KCNH7: variants seen among roughly 807,000 people sequenced by gnomAD.
KCNH7 encodes the protein potassium voltage-gated channel subfamily H member 7.
A neutral mutation model predicts 120.8 loss-of-function variants in KCNH7; 49 were observed. That is an observed-to-expected ratio of 0.41 (90% CI 0.32 to 0.51). The LOEUF (loss-of-function observed/expected upper bound fraction) is 0.51. Ranked by LOEUF, KCNH7 falls within the 20% of genes least tolerant of loss-of-function variation. The pLI is 0.38. For synonymous variants in KCNH7, 547 were observed against 516.1 expected (o/e 1.06, Z -0.81); for missense variants, 1,097 against 1,446.6 (o/e 0.76, Z 3.92).
At chr2:162,453,867 A>T (rs925297411) in intron 6 of KCNH7, among the ~76,000 whole-genome samples, 2 of 152,064 alleles carry the variant, frequency 1.3e-5, no homozygotes, top group Admixed American at 1.3e-4. Context: ...ACTTTGCCAG[A>T]TGGGTAGATT....
intron 6 of KCNH7, among the ~76,000 whole-genome samples, chr2:162,457,290 T>C (rs184456524): frequency 2.0e-5 from 3 of 152,056 alleles, no homozygotes; most frequent in Admixed American, 2.0e-4. Context: ...AGATAAAACA[T>C]GATTAATTGA....
At chr2:162,646,343 C>G (rs1475597699) in intron 2 of KCNH7, among the ~76,000 whole-genome samples, 1 of 152,158 alleles carries the variant, frequency 6.6e-6, no homozygotes, top group Non-Finnish European at 1.5e-5. Flanking sequence ...AGCCCATAAC[C>G]TATGTTGTCC....
At chr2:162,741,690 C>T (rs1323368849) in intron 2 of KCNH7, among the ~76,000 whole-genome samples, 1 of 151,960 alleles carries the variant, frequency 6.6e-6, no homozygotes, top group Non-Finnish European at 1.5e-5. Context: ...ACTAGCAGTT[C>T]AAAACATAAA....
chr2:162,471,117 G>A (rs547161843), intron 6 of KCNH7, among the ~76,000 whole-genome samples: 8 of 152,134 alleles, frequency 5.3e-5, no homozygotes, highest in East Asian at 3.9e-4. Context: ...GCGGAGGGCC[G>A]CAGGGTCCTC....
chr2:162,543,784 A>G (rs1435447911), intron 2 of KCNH7, among the ~76,000 whole-genome samples: 2 of 152,172 alleles, frequency 1.3e-5, no homozygotes, highest in Admixed American at 1.3e-4. Context: ...AGAGTATCCT[A>G]TTTAATACTG....
At chr2:162,817,322 C>T (rs935987003) in intron 2 of KCNH7, among the ~76,000 whole-genome samples, 24 of 152,112 alleles carry the variant, frequency 1.6e-4, no homozygotes, top group Admixed American at 5.2e-4. Flanking sequence ...ATATGCAATG[C>T]GCATTCTTTT....
intron 2 of KCNH7, among the ~76,000 whole-genome samples, chr2:162,591,401 A>G (rs1694213038): frequency 6.6e-6 from 1 of 152,100 alleles, no homozygotes; most frequent in Non-Finnish European, 1.5e-5. Context: ...TATAAAAAAA[A>G]ACAAGCTAGA....
intron 2 of KCNH7, among the ~76,000 whole-genome samples, chr2:162,594,340 C>A (rs1694305756): frequency 1.3e-5 from 2 of 151,878 alleles, no homozygotes; most frequent in African/African-American, 4.8e-5. Context: ...CATCCCCAAC[C>A]CAAGGAAAGT....
intron 3 of KCNH7, among the ~76,000 whole-genome samples, chr2:162,536,039 A>T (rs1692095227): frequency 6.6e-6 from 1 of 151,922 alleles, no homozygotes; most frequent in African/African-American, 2.4e-5. Flanking sequence ...ATCCTAAAAA[A>T]TGAAATCATA....
At chr2:162,690,798 G>A (rs908232155) in intron 2 of KCNH7, among the ~76,000 whole-genome samples, 1 of 152,040 alleles carries the variant, frequency 6.6e-6, no homozygotes, top group Admixed American at 6.6e-5. Context: ...CTTTATTTAG[G>A]GAGAGAAAAC....
chr2:162,546,022 T>G (rs1317160085), intron 2 of KCNH7, among the ~76,000 whole-genome samples: 2 of 152,306 alleles, frequency 1.3e-5, no homozygotes, highest in Admixed American at 6.5e-5. Flanking sequence ...TGTTTTATAT[T>G]TGATTAACAG....
chr2:162,499,240 A>T (rs1051431487), intron 6 of KCNH7, among the ~76,000 whole-genome samples: 1 of 152,126 alleles, frequency 6.6e-6, no homozygotes. Context: ...ACTTTTATTT[A>T]AAAGGGGGCA....
chr2:162,463,847 T>G (rs530972238), intron 6 of KCNH7, among the ~76,000 whole-genome samples: 1 of 151,226 alleles, frequency 6.6e-6, no homozygotes, highest in East Asian at 1.9e-4. Flanking sequence ...TTTAAAAAGT[T>G]ACCAAATAAA....
chr2:162,721,716 T>C (rs1204013666), intron 2 of KCNH7, among the ~76,000 whole-genome samples: 2 of 152,094 alleles, frequency 1.3e-5, no homozygotes, highest in African/African-American at 4.8e-5. Context: ...TTACACCAAA[T>C]TCAAAGACAT....
chr2:162,474,612 CTA>C lies in KCNH7; in HGVS notation c.1129-28171_1129-28170del, dbSNP rs1558965436. Among the ~76,000 whole-genome samples, 8 of 152,192 alleles carry C rather than the reference CTA, an allele frequency of 5.3e-5. No homozygotes were observed. In the South Asian group the frequency reaches 1.7e-3, roughly 32 times the overall value. On this transcript the variant is annotated intron_variant, in intron 6 of 15. Coordinates refer to ENST00000332142, the MANE Select transcript of KCNH7 (RefSeq NM_033272.4). Reference sequence around the variant, plus strand: ...TAGCAGAGGTGAAAAGATGTCATTACTATGTTAAGTTGTAAAAAGGCTGTGGC... The same window carrying C: ...TAGCAGAGGTGAAAAGATGTCATTACTGTTAAGTTGTAAAAAGGCTGTGGC...
intron 2 of KCNH7, among the ~76,000 whole-genome samples, chr2:162,573,267 T>G (rs1191805118): frequency 6.6e-6 from 1 of 152,046 alleles, no homozygotes; most frequent in African/African-American, 2.4e-5. Context: ...AATCAAGCCA[T>G]GACTGAGTGT....
chr2:162,542,767 G>T (rs1469580343), intron 2 of KCNH7, among the ~76,000 whole-genome samples: 1 of 152,044 alleles, frequency 6.6e-6, no homozygotes, highest in Non-Finnish European at 1.5e-5. Context: ...TATATACCCA[G>T]TAATGGGATG....
intron 3 of KCNH7, among the ~76,000 whole-genome samples, chr2:162,533,291 T>G (rs1691993170): frequency 6.6e-6 from 1 of 151,796 alleles, no homozygotes; most frequent in East Asian, 1.9e-4. Flanking sequence ...CTAGAATATG[T>G]TAGTATCAAG....
At position 162,495,925 on chromosome 2, in the gene KCNH7, T is replaced by C. The variant is rs575760472; in HGVS notation, c.1128+8518A>G. ...ATCCAAATCTTAGCAGGGATAACTA[T>C]AGCCACCAGTTATCTGGGCATGTCA... On this transcript the variant is annotated intron_variant, in intron 6 of 15. Coordinates refer to ENST00000332142, the MANE Select transcript of KCNH7 (RefSeq NM_033272.4). 2.0e-5 allele frequency among the ~76,000 whole-genome samples: 3 copies of C among 152,320 alleles called. No homozygotes were observed. In the East Asian group the frequency reaches 5.8e-4, roughly 30 times the overall value.
Sources: allele counts gnomAD v4.1 joint callset (sites outside exome capture counted in the v4.1 genomes callset), GRCh38; gene constraint gnomAD v4.1.1; transcripts MANE v1.5; gene names NCBI Gene and HGNC (gene_info 2026-07-23, HGNC 2026-07-21).